TGFBR3: variants seen among roughly 807,000 people sequenced by gnomAD.
TGFBR3 encodes the protein transforming growth factor beta receptor 3.
A neutral mutation model predicts 87.9 loss-of-function variants in TGFBR3; 46 were observed. The ratio of observed to expected loss-of-function variants is 0.52; its 90% CI spans 0.41 to 0.67. TGFBR3 has a LOEUF of 0.67. Among genes scored for constraint, TGFBR3 ranks in the 30% least tolerant of loss-of-function variants. The probability of loss-of-function intolerance (pLI) is 0.00; values close to 1 mark genes in which losing one functional copy is unlikely to be tolerated. For synonymous variants in TGFBR3, 381 were observed against 391.6 expected (o/e 0.97, Z 0.32); for missense variants, 866 against 1,041.9 (o/e 0.83, Z 2.32).
At chr1:91,764,650 C>G (rs530565616) in intron 3 of TGFBR3, among the ~76,000 whole-genome samples, 3 of 152,118 alleles carry the variant, frequency 2.0e-5, no homozygotes, top group Non-Finnish European at 2.9e-5. Context: ...GCTGCTAGTG[C>G]CCTCAGCAGG....
intron 2 of TGFBR3, among the ~76,000 whole-genome samples, chr1:91,811,635 A>G (rs1415173979): frequency 6.6e-6 from 1 of 152,212 alleles, no homozygotes; most frequent in East Asian, 1.9e-4. Flanking sequence ...TAAAAGGCTA[A>G]GAGAGAAGGG....
At chr1:91,717,297 C>T (rs1425830938) in intron 10 of TGFBR3, among the ~76,000 whole-genome samples, 1 of 152,136 alleles carries the variant, frequency 6.6e-6, no homozygotes, top group Non-Finnish European at 1.5e-5. Context: ...GAGCACATCT[C>T]TTCATTGCCG....
chr1:91,715,984 G>C (rs989271618), intron 12 of TGFBR3, among the ~76,000 whole-genome samples: 18 of 148,082 alleles, frequency 1.2e-4, no homozygotes, highest in Non-Finnish European at 2.0e-4. Flanking sequence ...ATTCACACTT[G>C]CCAATTTTTT....
Position 91,886,147 on chromosome 1 carries a change from C to A in TGFBR3, c.-383G>T, listed in dbSNP as rs1330623006. Reference sequence around the variant, plus strand: ...TGCCGCTCGGCGTCCCCGAAACCCTCGATTACCCCCATCAGGCCGACCCGG... The same window carrying A: ...TGCCGCTCGGCGTCCCCGAAACCCTAGATTACCCCCATCAGGCCGACCCGG... On this transcript the variant is annotated 5_prime_UTR_variant, in exon 1 of 17. Coordinates refer to ENST00000212355, the MANE Select transcript of TGFBR3 (RefSeq NM_003243.5). The A allele has an allele frequency of 2.2e-6, 1 of 454,116 alleles. No individual in the cohort carries two copies. 28.1% of individuals were successfully genotyped at this position (454,116 alleles called of 1,614,324 possible).
Position 91,861,486 on chromosome 1 carries a change from A to G in TGFBR3, c.46T>C (p.Cys16Arg). 1 of 1,613,272 alleles carries G rather than the reference A, an allele frequency of 6.2e-7. No individual in the cohort carries two copies. Among genetic ancestry groups the G allele is most frequent in the Non-Finnish European group, 8.5e-7 (1 of 1,179,222 alleles). The part of the protein sequence containing the change: ...VIAIFALMSS[C>R]LATAGPEPGA... ...TGCAACTTACCTGCAGTGGCTAAAC[A>G]GGAGCTCATCAGGGCAAAGATGGCA... is the stretch of plus-strand genomic sequence containing the variant. Residue 16 changes from cysteine (C) to arginine (R), a missense_variant, in exon 2 of 17, where the codon TGT becomes CGT. By Grantham distance (180) the Cys-to-Arg change is radical. Coordinates refer to ENST00000212355, the MANE Select transcript of TGFBR3 (RefSeq NM_003243.5).
intron 2 of TGFBR3, among the ~76,000 whole-genome samples, chr1:91,839,418 A>T (rs1223391242): frequency 2.0e-5 from 3 of 152,210 alleles, no homozygotes; most frequent in Non-Finnish European, 4.4e-5. Flanking sequence ...CGTAACATTA[A>T]AATCCTTTGC....
At chr1:91,896,746 T>TA (rs1368748087) in intron 2 of TGFBR3, among the ~76,000 whole-genome samples, 1 of 152,176 alleles carries the variant, frequency 6.6e-6, no homozygotes, top group Non-Finnish European at 1.5e-5. Flanking sequence ...CTAGAGTTTT[T>TA]AAAAATGATG....
At chr1:91,891,864 G>A (rs1394701679) in intron 2 of TGFBR3, among the ~76,000 whole-genome samples, 1 of 152,002 alleles carries the variant, frequency 6.6e-6, no homozygotes, top group Non-Finnish European at 1.5e-5. Context: ...CATAACCTAA[G>A]GCCATAATTT....
At chr1:91,817,756 C>A (rs1676286359) in intron 2 of TGFBR3, among the ~76,000 whole-genome samples, 1 of 151,990 alleles carries the variant, frequency 6.6e-6, no homozygotes, top group Non-Finnish European at 1.5e-5. Context: ...GAAAGGAAGC[C>A]TGTGCTTTCT....
At position 91,857,714 on chromosome 1, in the gene TGFBR3, G is replaced by A. The variant is rs112120313; in HGVS notation, c.61+3757C>T. ...AGTGCTTTGAGAGGCTGAGGTGGGA[G>A]GATCACTTGAGGTCAAGAGTTCAAG... On this transcript the variant is annotated intron_variant, in intron 2 of 16. Transcript: ENST00000212355. Among the ~76,000 whole-genome samples, 847 of 152,256 alleles carry A rather than the reference G, an allele frequency of 5.6e-3. 10 individuals are homozygous for A. The highest frequency in any genetic ancestry group is 0.019 in the African/African-American group (804 of 41,540).
chr1:91,723,897 A>G (rs540486507), intron 7 of TGFBR3, among the ~76,000 whole-genome samples: 5 of 152,312 alleles, frequency 3.3e-5, no homozygotes, highest in Admixed American at 3.3e-4. Context: ...ACATGACTAA[A>G]TATTAATCCT....
At chr1:91,868,695 G>A (rs979554955) in intron 1 of TGFBR3, among the ~76,000 whole-genome samples, 8 of 152,160 alleles carry the variant, frequency 5.3e-5, no homozygotes, top group South Asian at 2.1e-4. Context: ...GTAATTATTC[G>A]AGCAAAATTC....
intron 3 of TGFBR3, among the ~76,000 whole-genome samples, chr1:91,779,101 T>C (rs1486659382): frequency 6.6e-6 from 1 of 152,138 alleles, no homozygotes; most frequent in African/African-American, 2.4e-5. Flanking sequence ...TTCAGGGCTC[T>C]GGTGGGGATT....
chr1:91,722,141 G>A lies in TGFBR3; in HGVS notation c.889C>T (p.Pro297Ser), dbSNP rs773240069. 3.1e-6 allele frequency: 5 copies of A among 1,613,452 alleles called. No homozygotes were observed. The South Asian group carries it at 5.5e-5, about 18-fold the overall frequency. The change falls in exon 8 of 17, where the codon CCT (proline) becomes TCT (serine). Residue 297 changes from proline (P) to serine (S), a missense_variant. By Grantham distance (74) the Pro-to-Ser change is moderately conservative. Transcript: ENST00000212355. ...TCTTTTCCAAAGCCAATACTGTTAG[G>A]AGCCTGAAGATATAGCAAAAAAATC... is the stretch of plus-strand genomic sequence containing the variant. ...DVKGSLKIIA[P>S]NSIGFGKESE...
chr1:91,766,198 CTTT>C (rs749978314), intron 3 of TGFBR3, among the ~76,000 whole-genome samples: 16 of 114,456 alleles, frequency 1.4e-4, no homozygotes, highest in African/African-American at 5.5e-4. Context: ...AGTTTGTTTT[CTTT>C]TTTTTTTTTT....
chr1:91,894,296 T>C (rs528081482), intron 2 of TGFBR3, among the ~76,000 whole-genome samples: 3 of 152,114 alleles, frequency 2.0e-5, no homozygotes, highest in African/African-American at 7.2e-5. Context: ...CCTCTTGCAA[T>C]TGCAGCCTCA....
rs1347566389 is a variant in TGFBR3 at position 91,680,855 on chromosome 1, G to C, written c.*2884C>G. On this transcript the variant is annotated 3_prime_UTR_variant, in exon 17 of 17. Transcript: ENST00000212355. ...ATTTACAATCTTATTACAAGGCAAA[G>C]AAAAAAACCATTTTTTTTGTTTAGA... The C allele has an allele frequency of 2.2e-6, 1 of 447,068 alleles. No individual in the cohort carries two copies. Among genetic ancestry groups the C allele is most frequent in the Non-Finnish European group, 4.5e-6 (1 of 223,718 alleles). 27.7% of individuals were successfully genotyped at this position (447,068 alleles called of 1,614,324 possible).
chr1:91,786,856 A>C (rs1381117228), intron 3 of TGFBR3, among the ~76,000 whole-genome samples: 2 of 152,220 alleles, frequency 1.3e-5, no homozygotes, highest in Non-Finnish European at 2.9e-5. Flanking sequence ...GCCAGATTGA[A>C]AAGCCAGCAC....
upstream of TGFBR3, among the ~76,000 whole-genome samples, chr1:91,890,014 T>C (rs1337438064): frequency 6.6e-6 from 1 of 152,144 alleles, no homozygotes; most frequent in Non-Finnish European, 1.5e-5. Flanking sequence ...GAATGGATGC[T>C]CCCTTTCACT....
Sources: gnomAD v4.1 joint callset for allele counts (sites outside exome capture counted in the v4.1 genomes callset) on GRCh38, gnomAD v4.1.1 for gene constraint, MANE v1.5 for transcripts, NCBI Gene and HGNC (gene_info 2026-07-23, HGNC 2026-07-21) for gene names.